NYNRIN: variants seen among roughly 807,000 people sequenced by gnomAD.
NYNRIN encodes the protein protein NYNRIN.
In NYNRIN, 86 loss-of-function variants were observed where a neutral mutation model predicts 146.6. The observed-to-expected ratio is 0.59, with a 90% CI of 0.49 to 0.70. The LOEUF (loss-of-function observed/expected upper bound fraction) is 0.70. Ranked by LOEUF, NYNRIN falls within the 30% of genes least tolerant of loss-of-function variation. The pLI, the probability that NYNRIN is intolerant of heterozygous loss-of-function variation, is 0.00. For missense variants in NYNRIN, 2,191 were observed against 2,377.7 expected (o/e 0.92, Z 1.63); for synonymous variants, 1,027 against 1,001.3 (o/e 1.03, Z -0.48).
Position 24,409,303 on chromosome 14 carries a change from A to G in NYNRIN, c.1509A>G (p.Leu503=), listed in dbSNP as rs2042895969. The part of the protein sequence containing the change: ...GEPGDQGSMQ[L]DFKGLEEGPA... ...CGGGGGATCAAGGGAGTATGCAGTT[A>G]GATTTTAAGGGACTGGAAGAGGGAC... The change falls in exon 4 of 9, where the codon TTA becomes TTG. Residue 503 remains leucine (L), a synonymous_variant. Coordinates refer to ENST00000382554, the MANE Select transcript of NYNRIN (RefSeq NM_025081.3). 1.2e-6 allele frequency: 2 copies of G among 1,613,912 alleles called. No homozygotes were observed. Among genetic ancestry groups the G allele is most frequent in the African/African-American group, 2.7e-5 (2 of 74,942 alleles).
At chr14:24,403,065 C>T (rs778453321) in intron 2 of NYNRIN, among the ~76,000 whole-genome samples, 5 of 152,222 alleles carry the variant, frequency 3.3e-5, no homozygotes, top group Admixed American at 6.5e-5. Flanking sequence ...CTCCCTTTCA[C>T]GGCCAGCCCC....
rs1445582766 is a variant in NYNRIN at position 24,399,256 on chromosome 14, T to C, written c.10T>C (p.Ser4Pro). 1.2e-5 allele frequency: 19 copies of C among 1,613,388 alleles called. No individual in the cohort carries two copies. Among genetic ancestry groups the C allele is most frequent in the Non-Finnish European group, 1.4e-5 (17 of 1,179,778 alleles). ...AGCGGGCGGGGCAGCCATGCTCCTG[T>C]CTGGGGGCGATCCTCCGGCGCAGGA... MLL[S>P]GGDPPAQEWF... The change falls in exon 2 of 9, where the codon TCT becomes CCT. Residue 4 changes from serine (S) to proline (P), a missense_variant. Physicochemically the swap from Ser to Pro is moderately conservative, Grantham distance 74. Transcript: ENST00000382554.
intron 2 of NYNRIN, among the ~76,000 whole-genome samples, chr14:24,405,019 T>A (rs1428988543): frequency 1.1e-5 from 1 of 94,560 alleles, no homozygotes; most frequent in East Asian, 1.1e-3. Context: ...TGTGTGTGTG[T>A]GTGTGTGTGA....
In NYNRIN at chr14:24,415,800, A is replaced by G. The variant is rs1367580334; in HGVS notation, c.4051A>G (p.Thr1351Ala). ...LSFSCSPYTP[T>A]YAHLAAVACG... ...CTTCTCCTGCTCCCCTTACACGCCA[A>G]CCTATGCCCACCTGGCAGCCGTGGC... Residue 1351 changes from threonine to alanine, a missense_variant, in exon 9 of 9, where the codon ACC becomes GCC. Transcript: ENST00000382554. 8 of 1,613,498 alleles carry G rather than the reference A, an allele frequency of 5.0e-6. No individual in the cohort carries two copies. Among genetic ancestry groups the G allele is most frequent in the Non-Finnish European group, 6.8e-6 (8 of 1,179,806 alleles).
rs1187340946 is a variant in NYNRIN, at chr14:24,416,440, A to G, written c.4691A>G (p.Lys1564Arg). 3.7e-6 allele frequency: 6 copies of G among 1,613,246 alleles called. No individual in the cohort carries two copies. The highest frequency in any genetic ancestry group is 5.1e-6 in the Non-Finnish European group (6 of 1,179,572). ...CACCAGAGGCCCGAAGAGACCTACA[A>G]GAAGTTGCGTTTGCTGGGGTGGTGG... ...GAHQRPEETYKKLRLLGWWPG... is the reference protein window; with the variant it reads ...GAHQRPEETYRKLRLLGWWPG... Residue 1564 changes from lysine (K) to arginine (R), a missense_variant, in exon 9 of 9, where the codon AAG becomes AGG. Physicochemically the swap from Lys to Arg is conservative, Grantham distance 26 (BLOSUM62 2). Transcript: ENST00000382554.
chr14:24,415,694 C>T lies in NYNRIN; in HGVS notation c.3945C>T (p.Tyr1315=), dbSNP rs1380826220. 6.2e-7 allele frequency: 1 copy of T among 1,614,002 alleles called. No homozygotes were observed. Among genetic ancestry groups the T allele is most frequent in the South Asian group, 1.1e-5 (1 of 91,076 alleles). The change falls in exon 9 of 9, where the codon TAC becomes TAT. Residue 1315 remains tyrosine, a synonymous_variant. Transcript: ENST00000382554. ...STFVCIHMSG[Y]CFYREDEWCA... is the part of the protein sequence containing the mutation. The stretch of plus-strand genomic sequence containing the variant: ...TCGTCTGCATCCACATGTCGGGCTA[C>T]TGCTTCTACCGTGAGGATGAGTGGT...
At chr14:24,413,249 G>C (rs2042923368) in intron 7 of NYNRIN, 67 bp from the exon 8 acceptor site, 1 of 1,491,576 alleles carries the variant, frequency 6.7e-7, no homozygotes. Flanking sequence ...GGAGAAGCCA[G>C]GCGACAACAG....
At chr14:24,401,354 G>T (rs2042842006) in intron 2 of NYNRIN, among the ~76,000 whole-genome samples, 1 of 152,100 alleles carries the variant, frequency 6.6e-6, no homozygotes, top group South Asian at 2.1e-4. Flanking sequence ...GGGATTCTGG[G>T]TAGCTCCCTG....
chr14:24,404,840 T>C (rs1271366299), intron 2 of NYNRIN, among the ~76,000 whole-genome samples: 2 of 152,196 alleles, frequency 1.3e-5, no homozygotes, highest in Admixed American at 1.3e-4. Context: ...TAGCTTGCAT[T>C]GTATACATCA....
At chr14:24,414,568 C>T in intron 8 of NYNRIN, 28 bp from the exon 9 acceptor site, 1 of 1,576,714 alleles carries the variant, frequency 6.3e-7, no homozygotes, top group South Asian at 1.2e-5. Flanking sequence ...TGGGGCTGCC[C>T]TTCCCTCTTC....
rs1003361620 is a variant in NYNRIN, at chr14:24,416,178, A to T, written c.4429A>T (p.Asn1477Tyr). 1 of 1,613,792 alleles carries T rather than the reference A, an allele frequency of 6.2e-7. No homozygotes were observed. Among genetic ancestry groups the T allele is most frequent in the African/African-American group, 1.3e-5 (1 of 74,882 alleles). The change falls in exon 9 of 9, where the codon AAT becomes TAT. Residue 1477 changes from asparagine (N) to tyrosine (Y), a missense_variant. Transcript: ENST00000382554. Reference protein sequence around the residue: ...VSPHAMGKRPNLLALQLSDST... With the variant: ...VSPHAMGKRPYLLALQLSDST... Reference sequence around the variant, plus strand: ...TCCCCATGCCATGGGCAAGAGGCCCAATTTGCTGGCATTACAGCTGAGTGA... The same window carrying T: ...TCCCCATGCCATGGGCAAGAGGCCCTATTTGCTGGCATTACAGCTGAGTGA...
chr14:24,406,046 C>T (rs1439038655), intron 2 of NYNRIN, among the ~76,000 whole-genome samples: 1 of 151,530 alleles, frequency 6.6e-6, no homozygotes, highest in Admixed American at 6.6e-5. Flanking sequence ...TCTGTAATCC[C>T]AGCTACTGGG....
chr14:24,408,785 A>T lies in NYNRIN; in HGVS notation c.991A>T (p.Lys331Ter). 1 of 1,614,028 alleles carries T rather than the reference A, an allele frequency of 6.2e-7. No homozygotes were observed. The highest frequency in any genetic ancestry group is 8.5e-7 in the Non-Finnish European group (1 of 1,179,890). ...AAGGCAGGTCCAGAAGATAGAAGATAAACTCCTCTTCCAACCTCCAGTATC... is the reference window on the plus strand; with the variant it reads ...AAGGCAGGTCCAGAAGATAGAAGATTAACTCCTCTTCCAACCTCCAGTATC... ...KQRQVQKIED[K>*]LLFQPPVSAL... Residue 331 changes from lysine (K) to a stop codon, truncating the protein, a stop_gained, in exon 4 of 9, where the codon AAA becomes TAA. Transcript: ENST00000382554. LOFTEE classifies it high-confidence loss of function.
In NYNRIN at chr14:24,408,077, AGCTGGTGGG is replaced by A; in HGVS notation, c.410_418del (p.Leu137_Gly139del). ...ATCATGACACAGAACTGGCTGGAGGAGCTGGTGGGGCGACTGCGCTGGGGCCCTGCCCCT... is the reference window on the plus strand; with the variant it reads ...ATCATGACACAGAACTGGCTGGAGGAGCGACTGCGCTGGGGCCCTGCCCCT... On this transcript the variant is annotated inframe_deletion, in exon 3 of 9. Coordinates refer to ENST00000382554, the MANE Select transcript of NYNRIN (RefSeq NM_025081.3). 2 of 1,613,576 alleles carry A rather than the reference AGCTGGTGGG, an allele frequency of 1.2e-6. No individual in the cohort carries two copies. Among genetic ancestry groups the A allele is most frequent in the Non-Finnish European group, 1.7e-6 (2 of 1,179,838 alleles).
chr14:24,415,664 C>T lies in NYNRIN; in HGVS notation c.3915C>T (p.Ser1305=), dbSNP rs890645473. 2 of 1,614,030 alleles carry T rather than the reference C, an allele frequency of 1.2e-6. No homozygotes were observed. Among genetic ancestry groups the T allele is most frequent in the Non-Finnish European group, 1.7e-6 (2 of 1,179,898 alleles). ...TTCTGCCGCCTTTCTCTGACCTGTCCACGTTCGTCTGCATCCACATGTCGG... is the reference window on the plus strand; with the variant it reads ...TTCTGCCGCCTTTCTCTGACCTGTCTACGTTCGTCTGCATCCACATGTCGG... ...FQVLPPFSDL[S]TFVCIHMSGY... The change falls in exon 9 of 9, where the codon TCC becomes TCT. Residue 1305 remains serine, a synonymous_variant. Transcript: ENST00000382554.
In NYNRIN at chr14:24,409,274, G is replaced by A. The variant is rs1417083964; in HGVS notation, c.1480G>A (p.Glu494Lys). The part of the protein sequence containing the change: ...TSTPQLQAGG[E>K]PGDQGSMQLD... The stretch of plus-strand genomic sequence containing the variant: ...TACACCCCAACTACAGGCTGGAGGT[G>A]AGCCGGGGGATCAAGGGAGTATGCA... The change falls in exon 4 of 9, where the codon GAG becomes AAG. Residue 494 changes from glutamate (E) to lysine (K), a missense_variant. By Grantham distance (56) the Glu-to-Lys change is moderately conservative. Coordinates refer to ENST00000382554, the MANE Select transcript of NYNRIN (RefSeq NM_025081.3). The A allele has an allele frequency of 1.9e-6, 3 of 1,613,938 alleles. No individual in the cohort carries two copies. Among genetic ancestry groups the A allele is most frequent in the Non-Finnish European group, 2.5e-6 (3 of 1,179,904 alleles).
In NYNRIN at chr14:24,415,777, TCTC is replaced by T. The variant is rs1365987819; in HGVS notation, c.4031_4033del (p.Ser1344del). 1.2e-6 allele frequency: 2 copies of T among 1,613,946 alleles called. No individual in the cohort carries two copies. The highest frequency in any genetic ancestry group is 1.7e-5 in the Admixed American group (1 of 60,016). ...ACCAGCCCCCCTGTCTCCCTTTCCT[TCTC>T]CTGCTCCCCTTACACGCCAACCTAT... is the stretch of plus-strand genomic sequence containing the variant. On this transcript the variant is annotated inframe_deletion, in exon 9 of 9. Transcript: ENST00000382554.
intron 2 of NYNRIN, among the ~76,000 whole-genome samples, chr14:24,405,218 TA>T (rs2042869827): frequency 6.6e-6 from 1 of 152,104 alleles, no homozygotes; most frequent in African/African-American, 2.4e-5. Flanking sequence ...TCCTGCAGTG[TA>T]AATTGGGGTG....
At chr14:24,399,551 C>CTT in intron 2 of NYNRIN, 107 bp downstream of exon 2, 2 of 1,051,308 alleles carry the variant, frequency 1.9e-6, no homozygotes, top group Non-Finnish European at 2.8e-6. Context: ...CCTGCCCCCG[C>CTT]CTGGATTTGG....
Sources: allele counts gnomAD v4.1 joint callset (sites outside exome capture counted in the v4.1 genomes callset), GRCh38; gene constraint gnomAD v4.1.1; transcripts MANE v1.5; gene names NCBI Gene and HGNC (gene_info 2026-07-23, HGNC 2026-07-21).